ZBTB43: variants seen among roughly 807,000 people sequenced by gnomAD.
The protein encoded by ZBTB43 is zinc finger and BTB domain-containing protein 43.
In ZBTB43, 6 loss-of-function variants were observed where a neutral mutation model predicts 31.1. The ratio of observed to expected loss-of-function variants is 0.19; its 90% CI spans 0.11 to 0.38. ZBTB43 has a LOEUF of 0.38. Among genes scored for constraint, ZBTB43 ranks in the 10% least tolerant of loss-of-function variants. The pLI, the probability that ZBTB43 is intolerant of heterozygous loss-of-function variation, is 1.00. For synonymous variants in ZBTB43, 212 were observed against 221.7 expected (o/e 0.96, Z 0.39); for missense variants, 379 against 602.1 (o/e 0.63, Z 3.88).
Position 126,821,400 on chromosome 9 carries a change from CA to C in ZBTB43, c.-23-11079del, listed in dbSNP as rs903344235. ...TTAAAAAAAAAGAAAAAAAGAAACACAAAAAAAATGTTTTGGAAAGGATTCA... is the reference window on the plus strand; with the variant it reads ...TTAAAAAAAAAGAAAAAAAGAAACACAAAAAAATGTTTTGGAAAGGATTCA... On this transcript the variant is annotated intron_variant, in intron 2 of 2. Transcript: ENST00000373464. Among the ~76,000 whole-genome samples, 502 of 151,612 alleles carry C rather than the reference CA, an allele frequency of 3.3e-3. 3 individuals are homozygous for C. The highest frequency in any genetic ancestry group is 0.011 in the African/African-American group (468 of 41,328).
chr9:126,817,908 A>G (rs516104), intron 2 of ZBTB43, among the ~76,000 whole-genome samples: 122,087 of 152,058 alleles, frequency 0.8, 49,259 homozygotes, highest in East Asian at 0.98. Context: ...GAAATTTAGC[A>G]TGTTGCAGGT....
intron 2 of ZBTB43, among the ~76,000 whole-genome samples, chr9:126,822,670 G>A (rs1322750687): frequency 2.0e-5 from 3 of 152,166 alleles, no homozygotes; most frequent in Non-Finnish European, 4.4e-5. Flanking sequence ...AGCCCAGGAG[G>A]TCAAGGCTGC....
upstream of ZBTB43, among the ~76,000 whole-genome samples, chr9:126,804,195 A>G (rs888156554): frequency 2.0e-5 from 3 of 152,130 alleles, no homozygotes; most frequent in South Asian, 4.1e-4. Flanking sequence ...GAAAGGGGCG[A>G]GAAGAGGTAT....
chr9:126,804,936 G>A (rs2032087704), upstream of ZBTB43: 1 of 152,396 alleles, frequency 6.6e-6, no homozygotes, highest in Non-Finnish European at 1.5e-5. Flanking sequence ...CAGACGGTAA[G>A]TCCCGCATGC....
intron 2 of ZBTB43, among the ~76,000 whole-genome samples, chr9:126,815,906 A>T (rs2032375824): frequency 6.6e-6 from 1 of 151,110 alleles, no homozygotes; most frequent in African/African-American, 2.4e-5. Context: ...TCGGTGCTGG[A>T]TATTTTTGTA....
intron 2 of ZBTB43, among the ~76,000 whole-genome samples, chr9:126,812,559 A>G (rs1414120512): frequency 6.6e-6 from 1 of 152,156 alleles, no homozygotes; most frequent in Non-Finnish European, 1.5e-5. Flanking sequence ...TAATACCTAC[A>G]CATCCTCACC....
chr9:126,817,075 C>T (rs1588356561), intron 2 of ZBTB43, among the ~76,000 whole-genome samples: 1 of 138,106 alleles, frequency 7.2e-6, no homozygotes, highest in East Asian at 2.3e-4. Flanking sequence ...TGTTTCCCTT[C>T]AACTTGGCCC....
At chr9:126,824,571 G>A (rs752849411) in intron 2 of ZBTB43, among the ~76,000 whole-genome samples, 9 of 151,982 alleles carry the variant, frequency 5.9e-5, no homozygotes, top group Admixed American at 1.3e-4. Context: ...TTTTTTAAGC[G>A]CTTTAAATAG....
intron 1 of ZBTB43, among the ~76,000 whole-genome samples, chr9:126,806,041 T>C (rs1432373242): frequency 2.0e-5 from 3 of 152,178 alleles, no homozygotes. Flanking sequence ...AGGAGGCCCA[T>C]TTTAGGGCCA....
rs1358197051 is a variant in ZBTB43, at chr9:126,838,020, T to C, written c.*4107T>C. 6.0e-6 allele frequency: 1 copy of C among 167,058 alleles called. No individual in the cohort carries two copies. Among genetic ancestry groups the C allele is most frequent in the Admixed American group, 6.5e-5 (1 of 15,288 alleles). 10.3% of individuals were successfully genotyped at this position (167,058 alleles called of 1,614,324 possible). ...AGATTATCATTAGGTGCATATCTTA[T>C]TGATATTTTGTGAAATGTTATGCCT... is the stretch of plus-strand genomic sequence containing the variant. On this transcript the variant is annotated 3_prime_UTR_variant, in exon 3 of 3. Coordinates refer to ENST00000373464, the MANE Select transcript of ZBTB43 (RefSeq NM_014007.4).
chr9:126,813,200 G>A (rs943200840), intron 2 of ZBTB43, among the ~76,000 whole-genome samples: 8 of 151,998 alleles, frequency 5.3e-5, no homozygotes, highest in African/African-American at 1.9e-4. Flanking sequence ...GGCCGGTCTG[G>A]AACTCCTGAC....
At chr9:126,809,284 C>T (rs531977826) in intron 2 of ZBTB43, among the ~76,000 whole-genome samples, 3 of 152,214 alleles carry the variant, frequency 2.0e-5, no homozygotes, top group Admixed American at 6.5e-5. Context: ...TGCAATGATA[C>T]GGGAGTGTTG....
At chr9:126,805,790 CT>C (rs2032113337) in intron 1 of ZBTB43, among the ~76,000 whole-genome samples, 1 of 152,190 alleles carries the variant, frequency 6.6e-6, no homozygotes, top group Non-Finnish European at 1.5e-5. Flanking sequence ...GTCAGTCTGG[CT>C]TTTTGGCCAT....
chr9:126,812,420 T>C (rs2119115259), intron 2 of ZBTB43, among the ~76,000 whole-genome samples: 1 of 152,350 alleles, frequency 6.6e-6, no homozygotes, highest in East Asian at 1.9e-4. Flanking sequence ...TCATTTTTCT[T>C]GGGTATGTAC....
intron 2 of ZBTB43, among the ~76,000 whole-genome samples, chr9:126,810,316 T>C (rs970745956): frequency 6.6e-6 from 1 of 151,954 alleles, no homozygotes; most frequent in Admixed American, 6.6e-5. Context: ...TTCCTCAGCC[T>C]CCTGAGTAGC....
chr9:126,805,726 C>T (rs1359880605), intron 1 of ZBTB43, among the ~76,000 whole-genome samples: 2 of 152,262 alleles, frequency 1.3e-5, no homozygotes, highest in Non-Finnish European at 2.9e-5. Flanking sequence ...CACCTTGCTT[C>T]TGTGTCTGTT....
intron 2 of ZBTB43, among the ~76,000 whole-genome samples, chr9:126,820,824 G>A (rs2032491788): frequency 6.6e-6 from 1 of 151,854 alleles, no homozygotes; most frequent in Admixed American, 6.6e-5. Context: ...AAAAATTAGT[G>A]AAGCGTGGTG....
intron 2 of ZBTB43, among the ~76,000 whole-genome samples, chr9:126,828,894 G>A (rs905307065): frequency 6.6e-6 from 1 of 151,934 alleles, no homozygotes; most frequent in Non-Finnish European, 1.5e-5. Context: ...TTTGAATCAA[G>A]GATGTGACTG....
intron 2 of ZBTB43, among the ~76,000 whole-genome samples, chr9:126,810,104 G>A (rs942333545): frequency 6.6e-6 from 1 of 152,096 alleles, no homozygotes; most frequent in East Asian, 1.9e-4. Flanking sequence ...CAAAGTGCTG[G>A]GATTACAGAC....
Sources: allele counts gnomAD v4.1 joint callset (sites outside exome capture counted in the v4.1 genomes callset), GRCh38; gene constraint gnomAD v4.1.1; transcripts MANE v1.5; gene names NCBI Gene and HGNC (gene_info 2026-07-23, HGNC 2026-07-21).